DCAF1: variants seen among roughly 807,000 people sequenced by gnomAD.
DCAF1 encodes DDB1- and CUL4-associated factor 1.
A neutral mutation model predicts 128.0 loss-of-function variants in DCAF1; 15 were observed. The ratio of observed to expected loss-of-function variants is 0.12; its 90% CI spans 0.08 to 0.18. The LOEUF (loss-of-function observed/expected upper bound fraction) is 0.18, where lower values mean the gene tolerates loss of function less well. Among genes scored for constraint, DCAF1 ranks in the 10% least tolerant of loss-of-function variants. DCAF1 has a pLI of 1.00. For synonymous variants in DCAF1, 610 were observed against 603.0 expected (o/e 1.01, Z -0.17); for missense variants, 988 against 1,649.5 (o/e 0.60, Z 6.95).
At chr3:51,503,750 A>AT (rs1708875384), upstream of DCAF1, among the ~76,000 whole-genome samples, 2 of 152,136 alleles carry the variant, frequency 1.3e-5, no homozygotes, top group Non-Finnish European at 2.9e-5. Flanking sequence ...AAATGAGGAG[A>AT]GGGAACGCCA....
Position 51,438,757 on chromosome 3 carries a change from A to G in DCAF1, c.1128+2213T>C, listed in dbSNP as rs374660263. On this transcript the variant is annotated intron_variant, in intron 9 of 24. Coordinates refer to ENST00000684031, the MANE Select transcript of DCAF1 (RefSeq NM_001387579.1). ...CTCCCGAGTAGCTGGGATTATAGGCATGTGCCACCACATCCAGCTAATTTT... is the reference window on the plus strand; with the variant it reads ...CTCCCGAGTAGCTGGGATTATAGGCGTGTGCCACCACATCCAGCTAATTTT... Among the ~76,000 whole-genome samples, 60 of 151,772 alleles carry G rather than the reference A, an allele frequency of 4.0e-4. 1 individual carries two copies. In the South Asian group the frequency reaches 0.011, roughly 28 times the overall value.
intron 2 of DCAF1, among the ~76,000 whole-genome samples, chr3:51,490,622 G>A (rs1336118168): frequency 3.3e-5 from 5 of 151,958 alleles, no homozygotes; most frequent in South Asian, 2.1e-4. Flanking sequence ...AAATGCAATC[G>A]CTATCAAAAT....
At chr3:51,495,466 T>C (rs1360791652) in intron 2 of DCAF1, among the ~76,000 whole-genome samples, 10 of 150,672 alleles carry the variant, frequency 6.6e-5, no homozygotes. Context: ...TGGGTAACAG[T>C]AAGACCTTGT....
intron 3 of DCAF1, among the ~76,000 whole-genome samples, chr3:51,472,358 G>A (rs1704853950): frequency 6.6e-6 from 1 of 152,124 alleles, no homozygotes; most frequent in South Asian, 2.1e-4. Context: ...CTACAAGTGA[G>A]TTCTGCCTGA....
intron 9 of DCAF1, among the ~76,000 whole-genome samples, chr3:51,434,943 G>C (rs1345815994): frequency 6.6e-6 from 1 of 151,916 alleles, no homozygotes; most frequent in Middle Eastern, 3.2e-3. Flanking sequence ...CCCATGCCAA[G>C]GTGTCTTCCA....
intron 2 of DCAF1, among the ~76,000 whole-genome samples, chr3:51,488,757 C>T (rs1435096556): frequency 1.3e-5 from 2 of 151,514 alleles, no homozygotes; most frequent in Non-Finnish European, 2.9e-5. Flanking sequence ...GAGCCAAGAT[C>T]GCGCCACTGC....
chr3:51,434,990 A>G (rs906651024), intron 9 of DCAF1, among the ~76,000 whole-genome samples: 1 of 152,336 alleles, frequency 6.6e-6, no homozygotes, highest in East Asian at 1.9e-4. Flanking sequence ...ACATGATATG[A>G]TATCTGCACA....
chr3:51,471,881 C>A (rs909290774), intron 3 of DCAF1, among the ~76,000 whole-genome samples: 3 of 151,388 alleles, frequency 2.0e-5, no homozygotes, highest in Non-Finnish European at 4.4e-5. Context: ...AAAAAAAAAA[C>A]CTTCCTTTTC....
At chr3:51,437,897 A>G (rs1553637375) in intron 9 of DCAF1, among the ~76,000 whole-genome samples, 1 of 152,174 alleles carries the variant, frequency 6.6e-6, no homozygotes, top group Non-Finnish European at 1.5e-5. Flanking sequence ...AAAAAGAAAA[A>G]AGAAAAAAGA....
Position 51,418,668 on chromosome 3 carries a change from G to A in DCAF1, c.3435+10C>T. On this transcript the variant is annotated intron_variant, in intron 16 of 24. Coordinates refer to ENST00000684031, the MANE Select transcript of DCAF1 (RefSeq NM_001387579.1). Reference sequence around the variant, plus strand: ...GAATGACTGAGAGCATCCTAGGAAGGAACCCTTACCCTGGAAGGTTCAAGA... The same window carrying A: ...GAATGACTGAGAGCATCCTAGGAAGAAACCCTTACCCTGGAAGGTTCAAGA... The A allele has an allele frequency of 1.2e-6, 2 of 1,603,226 alleles. No individual in the cohort carries two copies. The highest frequency in any genetic ancestry group is 1.7e-6 in the Non-Finnish European group (2 of 1,174,568).
At chr3:51,441,984 T>C (rs879977697) in intron 7 of DCAF1, 87 bp from the exon 8 acceptor site, 1 of 1,498,090 alleles carries the variant, frequency 6.7e-7, no homozygotes, top group Non-Finnish European at 8.8e-7. Flanking sequence ...ACATAATAAC[T>C]GGAGACTCAT....
intron 7 of DCAF1, among the ~76,000 whole-genome samples, chr3:51,442,789 G>T (rs1351015221): frequency 6.6e-6 from 1 of 152,110 alleles, no homozygotes; most frequent in African/African-American, 2.4e-5. Flanking sequence ...ATAAAAGGAA[G>T]GGCACTTGGA....
At chr3:51,476,880 A>T (rs1166769209) in intron 3 of DCAF1, among the ~76,000 whole-genome samples, 1 of 151,946 alleles carries the variant, frequency 6.6e-6, no homozygotes, top group African/African-American at 2.4e-5. Flanking sequence ...TCTCAAAAAA[A>T]AGACCAGCCT....
At chr3:51,474,203 G>T (rs1196538559) in intron 3 of DCAF1, among the ~76,000 whole-genome samples, 1 of 152,044 alleles carries the variant, frequency 6.6e-6, no homozygotes, top group Non-Finnish European at 1.5e-5. Flanking sequence ...CGGATCACCT[G>T]AGGTTGGGAG....
chr3:51,414,873 G>A lies in DCAF1; in HGVS notation c.3604-16C>T, dbSNP rs1577073996. On this transcript the variant is annotated splice_polypyrimidine_tract_variant and intron_variant, in intron 18 of 24. Transcript: ENST00000684031. ...TATCATAAATCTTTAGAGAAGAAGG[G>A]ATGGGAAGAGAAAAATCAGACCAAT... The A allele has an allele frequency of 1.9e-6, 3 of 1,605,208 alleles. No homozygotes were observed. The highest frequency in any genetic ancestry group is 2.2e-5 in the East Asian group (1 of 44,666).
intron 18 of DCAF1, among the ~76,000 whole-genome samples, chr3:51,416,353 T>C (rs2107253276): frequency 6.6e-6 from 1 of 152,248 alleles, no homozygotes; most frequent in Non-Finnish European, 1.5e-5. Context: ...GCTTAAACAT[T>C]ACCCCATCAG....
intron 23 of DCAF1, among the ~76,000 whole-genome samples, chr3:51,403,840 A>G (rs1193642518): frequency 6.6e-6 from 1 of 152,248 alleles, no homozygotes; most frequent in Non-Finnish European, 1.5e-5. Flanking sequence ...CAGCCCTTCA[A>G]GCTCTTGCCC....
In DCAF1 at chr3:51,416,688, G is replaced by C. The variant is rs1285962762; in HGVS notation, c.3603+99C>G. ...CTAGAAGGAATATCACTGATTTCTA[G>C]TTGCCCAAAGGACTTAGGTCCTCAC... On this transcript the variant is annotated intron_variant, in intron 18 of 24. Transcript: ENST00000684031. 5 of 1,499,546 alleles carry C rather than the reference G, an allele frequency of 3.3e-6. No individual in the cohort carries two copies. The African/African-American group carries it at 4.2e-5, about 13-fold the overall frequency. The allele number at this position is 1,499,546 out of a possible 1,614,324, so 92.9% of individuals were successfully genotyped here. A position where few individuals can be genotyped will look rare whatever the true frequency, so the allele number is the denominator to read the frequency against.
chr3:51,462,955 T>A, intron 6 of DCAF1, among the ~76,000 whole-genome samples, 159 bp downstream of exon 6: 1 of 152,094 alleles, frequency 6.6e-6, no homozygotes, highest in South Asian at 2.1e-4. Flanking sequence ...AAAAAATAAA[T>A]AATTTTATTA....
Sources: gnomAD v4.1 joint callset for allele counts (sites outside exome capture counted in the v4.1 genomes callset) on GRCh38, gnomAD v4.1.1 for gene constraint, MANE v1.5 for transcripts, NCBI Gene and HGNC (gene_info 2026-07-23, HGNC 2026-07-21) for gene names.